Variants in PCDH15 observed in about 807,000 individuals in gnomAD.
PCDH15 encodes the protein protocadherin-15.
Under a neutral mutation model 178.5 loss-of-function variants are expected in PCDH15, and 129 were observed. The observed-to-expected ratio is 0.72, with a 90% CI of 0.63 to 0.84. The LOEUF (loss-of-function observed/expected upper bound fraction) is 0.84, where lower values mean the gene tolerates loss of function less well. Ranked by LOEUF, PCDH15 falls within the 40% of genes least tolerant of loss-of-function variation. The pLI, the probability that PCDH15 is intolerant of heterozygous loss-of-function variation, is 0.00. For synonymous variants in PCDH15, 800 were observed against 732.0 expected, an observed-to-expected ratio of 1.09 and a Z score of -1.50; for missense variants, 2,230 against 2,099.9, an observed-to-expected ratio of 1.06 and a Z score of -1.21.
At chr10:54,667,835 T>C (rs2094596347) in intron 1 of PCDH15, among the ~76,000 whole-genome samples, 1 of 152,250 alleles carries the variant, frequency 6.6e-6, no homozygotes, top group Admixed American at 6.6e-5. Context: ...ATTGGTGTAT[T>C]CAGTACTCTA....
intron 29 of PCDH15, among the ~76,000 whole-genome samples, chr10:53,838,649 A>G (rs1228953362): frequency 6.6e-6 from 1 of 152,228 alleles, no homozygotes; most frequent in Non-Finnish European, 1.5e-5. Flanking sequence ...GAATGCAGGT[A>G]GATTCACATA....
intron 26 of PCDH15, among the ~76,000 whole-genome samples, chr10:53,888,664 GATATATATATATATATATATATATATAT>G (rs59914675): frequency 4.7e-4 from 8 of 16,986 alleles, no homozygotes; most frequent in Non-Finnish European, 9.5e-4. Context: ...AGTTAAGTTT[GATATATATATATATATATATATATATAT>G]ATATATATAT....
chr10:54,810,951 A>T (rs2133728570), intron 3 of PCDH15, among the ~76,000 whole-genome samples: 1 of 152,234 alleles, frequency 6.6e-6, no homozygotes, highest in East Asian at 1.9e-4. Context: ...TAATACTGTG[A>T]CTTTGGAGGA....
At chr10:55,400,495 A>C (rs571631595) in intron 2 of PCDH15, among the ~76,000 whole-genome samples, 1 of 152,248 alleles carries the variant, frequency 6.6e-6, no homozygotes, top group East Asian at 1.9e-4. Context: ...GAGTTGATCC[A>C]TGTTATTTAT....
intron 2 of PCDH15, among the ~76,000 whole-genome samples, chr10:55,467,007 T>C (rs1839844649): frequency 6.6e-6 from 1 of 152,200 alleles, no homozygotes. Flanking sequence ...CTACTGGCTC[T>C]CAGGACATAT....
chr10:54,470,983 C>T (rs1214557367), intron 3 of PCDH15, among the ~76,000 whole-genome samples: 2 of 152,068 alleles, frequency 1.3e-5, no homozygotes, highest in African/African-American at 2.4e-5. Flanking sequence ...GGCATCAACA[C>T]CCCACACAAT....
intron 2 of PCDH15, among the ~76,000 whole-genome samples, chr10:54,612,133 T>G (rs947089611): frequency 2.6e-5 from 4 of 151,724 alleles, no homozygotes; most frequent in Non-Finnish European, 5.9e-5. Flanking sequence ...TTAAACAGAG[T>G]TGAATAATTG....
At chr10:54,223,552 A>ATTTTTTTTTTTTTTTT (rs2053113997) in intron 9 of PCDH15, among the ~76,000 whole-genome samples, 5 of 99,436 alleles carry the variant, frequency 5.0e-5, no homozygotes, top group South Asian at 3.1e-4. Flanking sequence ...CTTTTGCTTC[A>ATTTTTTTTTTTTTTTT]TATTATTTTT....
intron 2 of PCDH15, among the ~76,000 whole-genome samples, chr10:55,589,595 A>C (rs1402219173): frequency 1.3e-5 from 2 of 152,124 alleles, no homozygotes; most frequent in Non-Finnish European, 2.9e-5. Context: ...AGAATCTACA[A>C]TGAACTCAAA....
intron 2 of PCDH15, among the ~76,000 whole-genome samples, chr10:54,986,695 C>A (rs1475220935): frequency 1.3e-5 from 2 of 152,090 alleles, no homozygotes; most frequent in South Asian, 4.2e-4. Flanking sequence ...TATTAAACTT[C>A]CGTGTTGTGT....
intron 2 of PCDH15, among the ~76,000 whole-genome samples, chr10:55,113,136 T>C (rs1837550362): frequency 6.6e-6 from 1 of 152,160 alleles, no homozygotes; most frequent in African/African-American, 2.4e-5. Flanking sequence ...TAAATATCTG[T>C]CATTTCCAAG....
chr10:54,498,596 T>A (rs2080349372), intron 3 of PCDH15, among the ~76,000 whole-genome samples: 1 of 152,044 alleles, frequency 6.6e-6, no homozygotes, highest in South Asian at 2.1e-4. Context: ...TGAAGAAATA[T>A]CTATCAAGGA....
intron 1 of PCDH15, among the ~76,000 whole-genome samples, chr10:55,212,231 T>C (rs961669333): frequency 6.6e-6 from 1 of 152,084 alleles, no homozygotes; most frequent in African/African-American, 2.4e-5. Context: ...CTAACCAGTT[T>C]TTCACAGCCT....
At chr10:54,509,562 G>A (rs1389131581) in intron 3 of PCDH15, among the ~76,000 whole-genome samples, 1 of 152,148 alleles carries the variant, frequency 6.6e-6, no homozygotes, top group African/African-American at 2.4e-5. Context: ...CAAGAGCACT[G>A]TGTCTCTGCC....
chr10:54,992,498 A>T (rs1839526354), intron 2 of PCDH15, among the ~76,000 whole-genome samples: 1 of 152,130 alleles, frequency 6.6e-6, no homozygotes, highest in African/African-American at 2.4e-5. Flanking sequence ...GACGTCTGTA[A>T]TCCCAGCACT....
At chr10:54,377,391 G>A (rs1443769475) in intron 4 of PCDH15, among the ~76,000 whole-genome samples, 2 of 152,142 alleles carry the variant, frequency 1.3e-5, no homozygotes, top group Non-Finnish European at 2.9e-5. Context: ...ACATAAAACA[G>A]ATGGGCACTA....
At chr10:55,590,054 G>C (rs1311517561) in intron 2 of PCDH15, among the ~76,000 whole-genome samples, 1 of 148,132 alleles carries the variant, frequency 6.8e-6, no homozygotes, top group Non-Finnish European at 1.5e-5. Flanking sequence ...CAAAGACTTG[G>C]AACCAACCCA....
At chr10:55,296,668 A>G (rs1171800356) in intron 1 of PCDH15, among the ~76,000 whole-genome samples, 1 of 152,160 alleles carries the variant, frequency 6.6e-6, no homozygotes, top group Non-Finnish European at 1.5e-5. Flanking sequence ...CAGAAGCATT[A>G]ATACATTGAT....
In PCDH15 at chr10:54,522,082, C is replaced by T. The variant is rs1488118951; in HGVS notation, c.157+5730G>A. 1.8e-4 allele frequency among the ~76,000 whole-genome samples: 18 copies of T among 99,590 alleles called. 1 individual carries two copies. The highest frequency in any genetic ancestry group is 2.8e-4 in the African/African-American group (6 of 21,662). 65.3% of individuals were successfully genotyped at this position (99,590 alleles called of 152,430 possible). ...CAGCCTGAGTGACAGAGTGAGAATC[C>T]ATCTCAAAAAAAAAAAAAAAAAAAA... On this transcript the variant is annotated intron_variant, in intron 3 of 37. Coordinates refer to ENST00000644397, the MANE Select transcript of PCDH15 (RefSeq NM_001384140.1).
Sources: gnomAD v4.1 joint callset for allele counts (sites outside exome capture counted in the v4.1 genomes callset) on GRCh38, gnomAD v4.1.1 for gene constraint, MANE v1.5 for transcripts, NCBI Gene and HGNC (gene_info 2026-07-23, HGNC 2026-07-21) for gene names.